Variants in ULK4 observed in about 807,000 individuals in gnomAD.
ULK4 encodes inactive serine/threonine-protein kinase ULK4.
In ULK4, 133 loss-of-function variants were observed where a neutral mutation model predicts 160.6. The ratio of observed to expected loss-of-function variants is 0.83; its 90% CI spans 0.72 to 0.96. The LOEUF is 0.96. Ranked by LOEUF, ULK4 falls within the 40% of genes least tolerant of loss-of-function variation. The pLI, the probability that ULK4 is intolerant of heterozygous loss-of-function variation, is 0.00. For missense variants in ULK4, 1,580 were observed against 1,499.5 expected, an observed-to-expected ratio of 1.05 and a Z score of -0.89; for synonymous variants, 534 against 539.8, an observed-to-expected ratio of 0.99 and a Z score of 0.15.
chr3:41,562,445 A>G (rs2087621699), intron 32 of ULK4, among the ~76,000 whole-genome samples: 1 of 152,134 alleles, frequency 6.6e-6, no homozygotes, highest in Non-Finnish European at 1.5e-5. Flanking sequence ...TGATCTGTCT[A>G]GTATTGACGG....
intron 32 of ULK4, among the ~76,000 whole-genome samples, chr3:41,488,341 G>A (rs1486653979): frequency 6.6e-6 from 1 of 152,130 alleles, no homozygotes; most frequent in East Asian, 1.9e-4. Context: ...AGTGGAGACG[G>A]TCCAGAGAGT....
chr3:41,307,155 AAATT>A (rs1559516247), intron 35 of ULK4, among the ~76,000 whole-genome samples: 1 of 111,164 alleles, frequency 9.0e-6, no homozygotes, highest in African/African-American at 4.2e-5. Flanking sequence ...AAAAATAAAT[AAATT>A]AAAAAAAAAA....
At chr3:41,670,567 GTATGTATA>G (rs961123440) in intron 29 of ULK4, among the ~76,000 whole-genome samples, 3 of 151,474 alleles carry the variant, frequency 2.0e-5, no homozygotes, top group Non-Finnish European at 2.9e-5. Flanking sequence ...ATATATATAC[GTATGTATA>G]TATGTATATA....
intron 2 of ULK4, among the ~76,000 whole-genome samples, chr3:41,949,315 GACACAC>G (rs150637849): frequency 2.1e-5 from 3 of 141,966 alleles, no homozygotes. Flanking sequence ...CACACACACA[GACACAC>G]ACACACACAC....
intron 32 of ULK4, among the ~76,000 whole-genome samples, chr3:41,474,983 T>C (rs2084096252): frequency 1.3e-5 from 2 of 152,156 alleles, no homozygotes; most frequent in African/African-American, 2.4e-5. Context: ...GAAATCCCAC[T>C]TCTGGGTATT....
rs561705628 is a variant in ULK4 at position 41,752,924 on chromosome 3, A to G, written c.2321+1437T>C. Among the ~76,000 whole-genome samples, 13 of 152,324 alleles carry G rather than the reference A, an allele frequency of 8.5e-5. No homozygotes were observed. In the South Asian group the frequency reaches 2.7e-3, roughly 32 times the overall value. On this transcript the variant is annotated intron_variant, in intron 22 of 36. Transcript: ENST00000301831. ...TGGTATATTTTTATGTCAATAAAAA[A>G]CATGTGGGCTGGGTATGGTGGCTCA...
At chr3:41,829,701 C>A (rs1442807207) in intron 18 of ULK4, among the ~76,000 whole-genome samples, 1 of 151,984 alleles carries the variant, frequency 6.6e-6, no homozygotes, top group Non-Finnish European at 1.5e-5. Context: ...GTTGGTGGGA[C>A]TGTAAACTAG....
At chr3:41,442,869 G>A (rs139222214) in intron 34 of ULK4, among the ~76,000 whole-genome samples, 28 of 152,294 alleles carry the variant, frequency 1.8e-4, no homozygotes, top group African/African-American at 6.5e-4. Context: ...GAGAATTAAA[G>A]CATCTTATTT....
rs879878677 is a variant in ULK4, at chr3:41,954,696, G to A, written c.64C>T (p.Arg22Ter). The change falls in exon 2 of 37, where the codon CGA becomes TGA. Residue 22 changes from arginine to a stop codon, truncating the protein, a stop_gained. Coordinates refer to ENST00000301831, the MANE Select transcript of ULK4 (RefSeq NM_017886.4). LOFTEE classifies it high-confidence loss of function. The part of the protein sequence containing the change: ...RGSKTVVYKG[R>*]RKGTINFVAI... ...ACAAAATTGATTGTTCCCTTCCGTC[G>A]CCCTTTATAGACAACAGTCTTGCTT... is the stretch of plus-strand genomic sequence containing the variant. 1.9e-6 allele frequency: 3 copies of A among 1,613,766 alleles called. No individual in the cohort carries two copies. The highest frequency in any genetic ancestry group is 1.7e-6 in the Non-Finnish European group (2 of 1,179,876).
At chr3:41,551,043 A>C (rs2125577258) in intron 32 of ULK4, among the ~76,000 whole-genome samples, 1 of 127,880 alleles carries the variant, frequency 7.8e-6, no homozygotes, top group Middle Eastern at 4.1e-3. Context: ...GGTTCAGTGA[A>C]GAAATCAGGA....
intron 35 of ULK4, chr3:41,258,209 T>C (rs949572403): frequency 2.0e-5 from 3 of 152,230 alleles, no homozygotes; most frequent in Non-Finnish European, 4.4e-5. Flanking sequence ...CTTAATTTTC[T>C]TCAAAAACCA....
chr3:41,529,864 G>A (rs2086242658), intron 32 of ULK4, among the ~76,000 whole-genome samples: 1 of 152,090 alleles, frequency 6.6e-6, no homozygotes, highest in African/African-American at 2.4e-5. Context: ...TAAATGTGAA[G>A]TGAAAGAAGC....
At chr3:41,301,733 GCA>G (rs2079803956) in intron 35 of ULK4, among the ~76,000 whole-genome samples, 1 of 152,064 alleles carries the variant, frequency 6.6e-6, no homozygotes, top group African/African-American at 2.4e-5. Context: ...ACCATTTAAT[GCA>G]CATTGTCAGA....
chr3:41,792,470 T>C (rs1305870799), intron 20 of ULK4, among the ~76,000 whole-genome samples: 1 of 152,104 alleles, frequency 6.6e-6, no homozygotes, highest in African/African-American at 2.4e-5. Context: ...TCTAGCAAAT[T>C]AGGATTCAAT....
intron 34 of ULK4, among the ~76,000 whole-genome samples, chr3:41,435,993 AC>A (rs1438073714): frequency 6.6e-6 from 1 of 151,848 alleles, no homozygotes. Flanking sequence ...AAGCATACAG[AC>A]AGTCCCCAAC....
chr3:41,417,674 A>G (rs949621358), intron 34 of ULK4, among the ~76,000 whole-genome samples: 12 of 152,122 alleles, frequency 7.9e-5, no homozygotes, highest in Non-Finnish European at 1.8e-4. Context: ...AACAAGAGAA[A>G]AGGCAGGTAA....
intron 2 of ULK4, among the ~76,000 whole-genome samples, chr3:41,954,193 A>AG (rs1358858084): frequency 6.7e-6 from 1 of 150,338 alleles, no homozygotes; most frequent in Non-Finnish European, 1.5e-5. Context: ...AAAAAAAAAA[A>AG]AAGAAAAATA....
At position 41,755,480 on chromosome 3, in the gene ULK4, T is replaced by A. The variant is rs372764551; in HGVS notation, c.2194-992A>T. ...ATTTATCTCAGGTAAAAAAAACAAA[T>A]CAAGGCAGTCATCCTTGAGTAGAAG... On this transcript the variant is annotated intron_variant, in intron 21 of 36. Coordinates refer to ENST00000301831, the MANE Select transcript of ULK4 (RefSeq NM_017886.4). Among the ~76,000 whole-genome samples, 24 of 152,180 alleles carry A rather than the reference T, an allele frequency of 1.6e-4. No individual in the cohort carries two copies. In the East Asian group the frequency reaches 4.6e-3, roughly 29 times the overall value.
intron 8 of ULK4, chr3:41,914,892 C>T (rs912704023): frequency 6.6e-6 from 1 of 152,178 alleles, no homozygotes; most frequent in Non-Finnish European, 1.5e-5. Context: ...GTGGCACGCG[C>T]CTGAAATCCC....
Sources: gnomAD v4.1 joint callset for allele counts (sites outside exome capture counted in the v4.1 genomes callset) on GRCh38, gnomAD v4.1.1 for gene constraint, MANE v1.5 for transcripts, NCBI Gene and HGNC (gene_info 2026-07-23, HGNC 2026-07-21) for gene names.